ERBB4: variants seen among roughly 807,000 people sequenced by gnomAD.
The protein encoded by ERBB4 is erb-b2 receptor tyrosine kinase 4.
ERBB4 carries 42 observed loss-of-function variants against 158.0 expected under a neutral mutation model. The ratio of observed to expected loss-of-function variants is 0.27; its 90% CI spans 0.21 to 0.34. The LOEUF is 0.34. Ranked by LOEUF, ERBB4 falls within the 10% of genes least tolerant of loss-of-function variation. The probability of loss-of-function intolerance (pLI) is 1.00; values close to 1 mark genes in which losing one functional copy is unlikely to be tolerated. For synonymous variants in ERBB4, 583 were observed against 558.7 expected (o/e 1.04, Z -0.61); for missense variants, 1,333 against 1,624.1 (o/e 0.82, Z 3.08).
chr2:212,266,079 A>T (rs1302963466), intron 1 of ERBB4, among the ~76,000 whole-genome samples: 1 of 151,924 alleles, frequency 6.6e-6, no homozygotes, highest in East Asian at 1.9e-4. Flanking sequence ...AGTTTGAGTG[A>T]CTAGAGCCTC....
chr2:211,981,651 G>A (rs2081799910), intron 2 of ERBB4, among the ~76,000 whole-genome samples: 1 of 152,052 alleles, frequency 6.6e-6, no homozygotes, highest in Admixed American at 6.6e-5. Context: ...ATGTGCTTTT[G>A]AAACCCTCAC....
At chr2:211,401,784 A>C (rs1305373764) in intron 25 of ERBB4, among the ~76,000 whole-genome samples, 1 of 152,038 alleles carries the variant, frequency 6.6e-6, no homozygotes, top group Non-Finnish European at 1.5e-5. Flanking sequence ...AATTTAAGTG[A>C]TCTGGAGTTG....
Position 211,383,844 on chromosome 2 carries a change from G to T in ERBB4, c.3698C>A (p.Ala1233Asp), listed in dbSNP as rs2125310293. 1 of 1,614,106 alleles carries T rather than the reference G, an allele frequency of 6.2e-7. No individual in the cohort carries two copies. The highest frequency in any genetic ancestry group is 8.5e-7 in the Non-Finnish European group (1 of 1,180,004). ...GTCAGGGTTGTCAAACGCTTTCTTG[G>T]CCTTCTCTGGCATTGACAGTATGTT... ...KNNILSMPEKAKKAFDNPDYW... is the reference protein window; with the variant it reads ...KNNILSMPEKDKKAFDNPDYW... Residue 1233 changes from alanine (A) to aspartate (D), a missense_variant, in exon 28 of 28, where the codon GCC (alanine) becomes GAC (aspartate). By Grantham distance (126) the Ala-to-Asp change is moderately radical. This residue lies in a region of ERBB4 where 84 missense variants were observed against 110.8 expected (regional missense o/e 0.76). Coordinates refer to ENST00000342788, the MANE Select transcript of ERBB4 (RefSeq NM_005235.3).
intron 1 of ERBB4, among the ~76,000 whole-genome samples, chr2:212,263,720 A>T (rs972081987): frequency 4.6e-5 from 7 of 152,058 alleles, no homozygotes; most frequent in Non-Finnish European, 1.0e-4. Context: ...GTCCCATAAT[A>T]AAAGAGTTCC....
intron 2 of ERBB4, among the ~76,000 whole-genome samples, chr2:211,991,172 TTG>T (rs1189857518): frequency 6.6e-6 from 1 of 152,068 alleles, no homozygotes; most frequent in African/African-American, 2.4e-5. Context: ...AATGCCTCTG[TTG>T]TGTCTATTCC....
chr2:211,409,061 T>C (rs1380939495), intron 25 of ERBB4, among the ~76,000 whole-genome samples: 1 of 152,176 alleles, frequency 6.6e-6, no homozygotes, highest in South Asian at 2.1e-4. Flanking sequence ...ATAAATAAAG[T>C]AGAAGTCTGT....
intron 20 of ERBB4, among the ~76,000 whole-genome samples, chr2:211,492,809 C>A (rs2065377914): frequency 6.6e-6 from 1 of 152,068 alleles, no homozygotes; most frequent in African/African-American, 2.4e-5. Flanking sequence ...TAAAATCAAG[C>A]TGTTCTAATC....
chr2:211,644,991 T>A (rs1010942818), intron 16 of ERBB4, among the ~76,000 whole-genome samples: 2 of 151,442 alleles, frequency 1.3e-5, no homozygotes, highest in African/African-American at 4.8e-5. Context: ...GGGAGGAGAG[T>A]AAGAGATAGC....
chr2:211,420,246 A>ATTGT (rs888041243), intron 25 of ERBB4, among the ~76,000 whole-genome samples, 195 bp downstream of exon 25: 2 of 151,988 alleles, frequency 1.3e-5, no homozygotes, highest in East Asian at 3.9e-4. Context: ...TACATGTTGT[A>ATTGT]TTGTCCATGC....
intron 3 of ERBB4, among the ~76,000 whole-genome samples, chr2:211,873,567 T>C (rs1351899631): frequency 6.6e-6 from 1 of 152,256 alleles, no homozygotes; most frequent in Non-Finnish European, 1.5e-5. Flanking sequence ...TCCCCAAAAG[T>C]AGTGTTGTAT....
At chr2:212,010,313 C>G (rs2076354895) in intron 2 of ERBB4, among the ~76,000 whole-genome samples, 1 of 152,014 alleles carries the variant, frequency 6.6e-6, no homozygotes, top group Non-Finnish European at 1.5e-5. Flanking sequence ...TTCTGGTGGT[C>G]TAAACATAAT....
chr2:211,767,735 C>A (rs2075587077), intron 4 of ERBB4, among the ~76,000 whole-genome samples: 1 of 152,114 alleles, frequency 6.6e-6, no homozygotes, highest in Admixed American at 6.5e-5. Context: ...ATGAGGGTAA[C>A]AGCCCTAAAT....
At chr2:211,555,662 C>A (rs1329823476) in intron 20 of ERBB4, among the ~76,000 whole-genome samples, 1 of 152,130 alleles carries the variant, frequency 6.6e-6, no homozygotes, top group Non-Finnish European at 1.5e-5. Flanking sequence ...GATTCAGGAC[C>A]AACATTCAAC....
intron 2 of ERBB4, among the ~76,000 whole-genome samples, chr2:211,951,440 A>C (rs996876068): frequency 4.6e-5 from 7 of 152,172 alleles, no homozygotes; most frequent in Admixed American, 3.9e-4. Context: ...TGCTGAACAC[A>C]TAAAGAAGGA....
intron 1 of ERBB4, among the ~76,000 whole-genome samples, chr2:212,364,766 T>C (rs1445806785): frequency 6.6e-6 from 1 of 151,776 alleles, no homozygotes; most frequent in African/African-American, 2.4e-5. Flanking sequence ...AAATACACTA[T>C]TCTGGCTATT....
rs78866604 is a variant in ERBB4, at chr2:211,501,010, G to A, written c.2487+60893C>T. Among the ~76,000 whole-genome samples the A allele has an allele frequency of 5.5e-3, 837 of 151,826 alleles. 10 individuals are homozygous for A. The highest frequency in any genetic ancestry group is 0.019 in the African/African-American group (795 of 41,462). On this transcript the variant is annotated intron_variant, in intron 20 of 27. Transcript: ENST00000342788. Reference sequence around the variant, plus strand: ...TAAGATTTGACATACATATGTCATTGGAAGGCCATTGTTTGTTCATTATGT... The same window carrying A: ...TAAGATTTGACATACATATGTCATTAGAAGGCCATTGTTTGTTCATTATGT...
rs369913549 is a variant in ERBB4 at position 211,447,921 on chromosome 2, G to A, written c.2488-16821C>T. On this transcript the variant is annotated intron_variant, in intron 20 of 27. Transcript: ENST00000342788. ...AACGCCTGTTAAGAGAAACATGGCT[G>A]GGGTTTGGTGAGTAAGGAAGAACTT... 2.2e-4 allele frequency among the ~76,000 whole-genome samples: 33 copies of A among 152,230 alleles called. 1 individual carries two copies. Among genetic ancestry groups the A allele is most frequent in the African/African-American group, 7.9e-4 (33 of 41,536 alleles).
At chr2:212,309,663 A>G (rs2086951782) in intron 1 of ERBB4, among the ~76,000 whole-genome samples, 1 of 150,670 alleles carries the variant, frequency 6.6e-6, no homozygotes, top group South Asian at 2.1e-4. Flanking sequence ...AATAACAATC[A>G]AAGACTCTTC....
intron 12 of ERBB4, among the ~76,000 whole-genome samples, chr2:211,689,401 G>A (rs1007471517): frequency 2.0e-5 from 3 of 152,020 alleles, no homozygotes; most frequent in Non-Finnish European, 2.9e-5. Flanking sequence ...GTTTCACTAC[G>A]TTGCCCAGGC....
Sources: gnomAD v4.1 joint callset for allele counts (sites outside exome capture counted in the v4.1 genomes callset) on GRCh38, gnomAD v4.1.1 for gene constraint, gnomAD v4.1.1 regional missense constraint, MANE v1.5 for transcripts, NCBI Gene and HGNC (gene_info 2026-07-23, HGNC 2026-07-21) for gene names.